ELOVL5: variants seen among roughly 807,000 people sequenced by gnomAD.
ELOVL5 encodes very long chain fatty acid elongase 5.
A neutral mutation model predicts 38.6 loss-of-function variants in ELOVL5; 8 were observed. The ratio of observed to expected loss-of-function variants is 0.21; its 90% confidence interval spans 0.12 to 0.37. The LOEUF (loss-of-function observed/expected upper bound fraction) is 0.37. Among genes scored for constraint, ELOVL5 ranks in the 10% least tolerant of loss-of-function variants. The pLI, the probability that ELOVL5 is intolerant of heterozygous loss-of-function variation, is 1.00. For missense variants in ELOVL5, 280 were observed against 367.8 expected, an observed-to-expected ratio of 0.76 and a Z score of 1.95; for synonymous variants, 127 against 133.7, an observed-to-expected ratio of 0.95 and a Z score of 0.34.
At chr6:53,270,903 T>C (rs868399984) in intron 6 of ELOVL5, among the ~76,000 whole-genome samples, 176 bp from the exon 7 acceptor site, 2 of 152,344 alleles carry the variant, frequency 1.3e-5, no homozygotes. Flanking sequence ...TCCTAAACTC[T>C]AGGTGTGTTT....
At chr6:53,305,372 G>A (rs1446301265) in intron 1 of ELOVL5, among the ~76,000 whole-genome samples, 3 of 97,246 alleles carry the variant, frequency 3.1e-5, no homozygotes, top group South Asian at 3.0e-4. Flanking sequence ...CTGGCCTGGC[G>A]GGGGCTGACC....
At chr6:53,293,217 A>C (rs569330753) in intron 2 of ELOVL5, among the ~76,000 whole-genome samples, 1 of 152,130 alleles carries the variant, frequency 6.6e-6, no homozygotes, top group South Asian at 2.1e-4. Flanking sequence ...AAGGCTCACA[A>C]CTCCAGAACA....
chr6:53,332,144 G>T (rs141779428), intron 1 of ELOVL5, among the ~76,000 whole-genome samples: 1 of 152,272 alleles, frequency 6.6e-6, no homozygotes, highest in East Asian at 1.9e-4. Context: ...CACTGGGGAT[G>T]AAATTTTCAC....
chr6:53,300,900 C>T (rs1175778368), intron 1 of ELOVL5, among the ~76,000 whole-genome samples: 1 of 152,190 alleles, frequency 6.6e-6, no homozygotes, highest in Non-Finnish European at 1.5e-5. Flanking sequence ...TCCTGCAGCC[C>T]TCCTGCCAGC....
chr6:53,325,618 G>C (rs1768510093), intron 1 of ELOVL5, among the ~76,000 whole-genome samples: 1 of 152,204 alleles, frequency 6.6e-6, no homozygotes, highest in African/African-American at 2.4e-5. Flanking sequence ...GGAAGATCCA[G>C]GCTTGGGACA....
In ELOVL5 at chr6:53,320,178, G is replaced by A. The variant is rs184031701; in HGVS notation, c.-8-24471C>T. On this transcript the variant is annotated intron_variant, in intron 1 of 7. Transcript: ENST00000304434. The stretch of plus-strand genomic sequence containing the variant: ...AAAAATAAAAAAAAATTAGCTGGGT[G>A]TGGTGGTGCACACCTGTAATTCCTG... Among the ~76,000 whole-genome samples, 5 of 152,040 alleles carry A rather than the reference G, an allele frequency of 3.3e-5. No individual in the cohort carries two copies. In the East Asian group the frequency reaches 9.9e-4, roughly 30 times the overall value.
intron 1 of ELOVL5, among the ~76,000 whole-genome samples, chr6:53,337,546 C>A (rs1287127984): frequency 6.6e-6 from 1 of 152,198 alleles, no homozygotes; most frequent in Non-Finnish European, 1.5e-5. Flanking sequence ...ATTATGTATT[C>A]TCAGGCTATC....
intron 3 of ELOVL5, among the ~76,000 whole-genome samples, chr6:53,281,045 CACTT>C (rs1341539546): frequency 1.3e-5 from 2 of 152,260 alleles, no homozygotes; most frequent in East Asian, 1.9e-4. Flanking sequence ...TCACTGGAAA[CACTT>C]AAAGAAAAAG....
chr6:53,289,032 C>T (rs1342084912), intron 3 of ELOVL5, among the ~76,000 whole-genome samples: 3 of 152,146 alleles, frequency 2.0e-5, no homozygotes, highest in Non-Finnish European at 4.4e-5. Flanking sequence ...CCAGCCTGGG[C>T]AACAGAGTGA....
At chr6:53,323,015 A>G (rs930576649) in intron 1 of ELOVL5, among the ~76,000 whole-genome samples, 1 of 152,220 alleles carries the variant, frequency 6.6e-6, no homozygotes, top group Non-Finnish European at 1.5e-5. Flanking sequence ...CGTACCACGC[A>G]CTTCACATGC....
intron 4 of ELOVL5, 94 bp downstream of exon 4, chr6:53,276,085 G>T: frequency 1.3e-6 from 1 of 770,370 alleles, no homozygotes; most frequent in Non-Finnish European, 2.1e-6. Flanking sequence ...GGATTGCCTG[G>T]GCAGTGAGGT....
chr6:53,316,674 T>C (rs1433067014), intron 1 of ELOVL5, among the ~76,000 whole-genome samples: 1 of 141,122 alleles, frequency 7.1e-6, no homozygotes, highest in East Asian at 2.2e-4. Context: ...AGGGGTCACA[T>C]GGGAGAGATG....
At chr6:53,321,013 T>C (rs577060687) in intron 1 of ELOVL5, among the ~76,000 whole-genome samples, 5 of 152,158 alleles carry the variant, frequency 3.3e-5, no homozygotes, top group Middle Eastern at 3.4e-3. Flanking sequence ...GAAAGAGCAA[T>C]TACAATGGCA....
At chr6:53,319,931 G>C (rs1768228419) in intron 1 of ELOVL5, among the ~76,000 whole-genome samples, 1 of 152,206 alleles carries the variant, frequency 6.6e-6, no homozygotes, top group African/African-American at 2.4e-5. Flanking sequence ...AAATGTGTAA[G>C]TAAGACGAAG....
Position 53,287,917 on chromosome 6 carries a change from G to C in ELOVL5, c.246+3859C>G, listed in dbSNP as rs1005834650. ...AGGATCAGTTCGTGAGGCACAGGCAGATCGACGGGGTTGCTCCCTTTTGGA... is the reference window on the plus strand; with the variant it reads ...AGGATCAGTTCGTGAGGCACAGGCACATCGACGGGGTTGCTCCCTTTTGGA... On this transcript the variant is annotated intron_variant, in intron 3 of 7. Transcript: ENST00000304434. The C allele has an allele frequency of 2.1e-5, 33 of 1,535,600 alleles. No individual in the cohort carries two copies. Among genetic ancestry groups the C allele is most frequent in the Non-Finnish European group, 2.8e-5 (32 of 1,146,904 alleles).
At chr6:53,313,922 G>A (rs1767938467) in intron 1 of ELOVL5, among the ~76,000 whole-genome samples, 1 of 152,218 alleles carries the variant, frequency 6.6e-6, no homozygotes, top group South Asian at 2.1e-4. Context: ...TTAGCAAAGA[G>A]CTGTTCAACC....
At chr6:53,308,466 T>C (rs1334133009) in intron 1 of ELOVL5, among the ~76,000 whole-genome samples, 1 of 152,212 alleles carries the variant, frequency 6.6e-6, no homozygotes, top group Non-Finnish European at 1.5e-5. Flanking sequence ...AATGAATGAA[T>C]AATGAGTGGA....
At chr6:53,322,526 T>C (rs1258907869) in intron 1 of ELOVL5, among the ~76,000 whole-genome samples, 1 of 152,232 alleles carries the variant, frequency 6.6e-6, no homozygotes, top group Non-Finnish European at 1.5e-5. Flanking sequence ...CATACTCATG[T>C]CACAGGACAC....
At chr6:53,347,642 C>G (rs765022475) in intron 1 of ELOVL5, among the ~76,000 whole-genome samples, 3 of 152,182 alleles carry the variant, frequency 2.0e-5, no homozygotes, top group Non-Finnish European at 2.9e-5. Flanking sequence ...CTGCTCGCTC[C>G]CCACAAATCC....
Sources: gnomAD v4.1 joint callset for allele counts (sites outside exome capture counted in the v4.1 genomes callset) on GRCh38, gnomAD v4.1.1 for gene constraint, MANE v1.5 for transcripts, NCBI Gene and HGNC (gene_info 2026-07-23, HGNC 2026-07-21) for gene names.